The following COG1 variants were observed in gnomAD, a reference collection of about 807,000 sequenced individuals.
COG1 encodes component of oligomeric golgi complex 1, also known as conserved oligomeric Golgi complex subunit 1.
A neutral mutation model predicts 102.2 loss-of-function variants in COG1; 61 were observed. That is an observed-to-expected ratio of 0.60 (90% CI 0.49 to 0.74). The LOEUF (loss-of-function observed/expected upper bound fraction) is 0.74, where lower values mean the gene tolerates loss of function less well. Ranked by LOEUF, COG1 falls within the 30% of genes least tolerant of loss-of-function variation. COG1 has a pLI of 0.00. For synonymous variants in COG1, 454 were observed against 493.6 expected, an observed-to-expected ratio of 0.92 and a Z score of 1.06; for missense variants, 1,164 against 1,232.1, an observed-to-expected ratio of 0.94 and a Z score of 0.83.
In COG1 at chr17:73,203,729, T is replaced by A. The variant is rs774359543; in HGVS notation, c.2318T>A (p.Leu773Gln). The change falls in exon 9 of 14, where the codon CTG (leucine) becomes CAG (glutamine). Residue 773 changes from leucine to glutamine, a missense_variant. Transcript: ENST00000299886. Reference sequence around the variant, plus strand: ...CCAAAGGTGACATTACAGGAGATGCTGAAAAGCTGTATGGTTCAAGTAGTA... The same window carrying A: ...CCAAAGGTGACATTACAGGAGATGCAGAAAAGCTGTATGGTTCAAGTAGTA... ...ALPKVTLQEM[L>Q]KSCMVQVVAA... The A allele has an allele frequency of 2.2e-5, 36 of 1,614,098 alleles. No homozygotes were observed. Among genetic ancestry groups the A allele is most frequent in the Non-Finnish European group, 2.9e-5 (34 of 1,180,050 alleles).
chr17:73,207,015 C>A, intron 12 of COG1, 166 bp from the exon 13 acceptor site: 1 of 716,340 alleles, frequency 1.4e-6, no homozygotes, highest in South Asian at 1.7e-5. Context: ...ATGGCGTGAA[C>A]CCAGGAGGCG....
At chr17:73,193,477 AC>A (rs964600861) in intron 1 of COG1, 93 bp downstream of exon 1, 6 of 1,277,512 alleles carry the variant, frequency 4.7e-6, no homozygotes, top group African/African-American at 1.6e-5. Flanking sequence ...TCAGTCCCAG[AC>A]CCCGCGAGTC....
In COG1 at chr17:73,196,609, T is replaced by G; in HGVS notation, c.418T>G (p.Cys140Gly). The G allele has an allele frequency of 2.5e-6, 4 of 1,614,218 alleles. No individual in the cohort carries two copies. Among genetic ancestry groups the G allele is most frequent in the Non-Finnish European group, 3.4e-6 (4 of 1,180,032 alleles). ...CTGGAGCTCGATGGAAGCCTCTCAG[T>G]GTCTCCACGCCACACAGCTCTACCT... ...KIWSSMEASQ[C>G]LHATQLYLLC... The change falls in exon 2 of 14, where the codon TGT becomes GGT. Residue 140 changes from cysteine to glycine, a missense_variant. Physicochemically the swap from Cys to Gly is radical, Grantham distance 159. Coordinates refer to ENST00000299886, the MANE Select transcript of COG1 (RefSeq NM_018714.3).
At chr17:73,197,867 G>A (rs2061331738) in intron 4 of COG1, among the ~76,000 whole-genome samples, 1 of 152,226 alleles carries the variant, frequency 6.6e-6, no homozygotes, top group African/African-American at 2.4e-5. Context: ...GAGACTGGAG[G>A]TGGGGCCAGG....
rs893618009 is a variant in COG1, at chr17:73,200,710, G to A, written c.1215G>A (p.Arg405=). The A allele has an allele frequency of 5.0e-6, 8 of 1,614,044 alleles. No homozygotes were observed. In the East Asian group the frequency reaches 1.6e-4, roughly 31 times the overall value. Residue 405 remains arginine, a synonymous_variant, in exon 6 of 14, where the codon CGG becomes CGA. Transcript: ENST00000299886. The part of the protein sequence containing the change: ...TNHSWDVLCR[R]LLEKPLLFWE... ...ACAGCTGGGATGTGCTATGTCGGCG[G>A]CTTCTGGAGAAGCCGCTCTTGTTCT...
At chr17:73,198,647 TGAAGCGGGCAGGTGCCTGA>T (rs1487899109) in intron 4 of COG1, among the ~76,000 whole-genome samples, 2 of 151,212 alleles carry the variant, frequency 1.3e-5, no homozygotes, top group Admixed American at 1.3e-4. Flanking sequence ...AATGGGACTG[TGAAGCGGGCAGGTGCCTGA>T]GGGCCCAGAA....
chr17:73,204,554 C>CTTTT (rs575425786), intron 9 of COG1, among the ~76,000 whole-genome samples: 15 of 95,882 alleles, frequency 1.6e-4, no homozygotes, highest in African/African-American at 2.1e-4. Flanking sequence ...TCATTAGTAA[C>CTTTT]TTTTTTTTTT....
At chr17:73,196,783 G>A in intron 2 of COG1, 32 bp downstream of exon 2, 2 of 1,614,068 alleles carry the variant, frequency 1.2e-6, no homozygotes, top group East Asian at 2.2e-5. Flanking sequence ...AGCTGCTCTG[G>A]TGGTGGCCAG....
intron 1 of COG1, 54 bp downstream of exon 1, chr17:73,193,438 G>A: frequency 7.2e-7 from 1 of 1,380,262 alleles, no homozygotes; most frequent in Non-Finnish European, 9.3e-7. Context: ...GGAGCCCCTG[G>A]CCTTGCAGGT....
At chr17:73,195,771 G>A (rs1286742018) in intron 1 of COG1, among the ~76,000 whole-genome samples, 1 of 152,202 alleles carries the variant, frequency 6.6e-6, no homozygotes, top group Admixed American at 6.5e-5. Context: ...AAATTAGCCA[G>A]GCGTGGCGAC....
intron 9 of COG1, chr17:73,205,330 T>C: frequency 1.8e-6 from 1 of 545,524 alleles, no homozygotes; most frequent in East Asian, 3.3e-5. Context: ...TGAGGCCTTT[T>C]TTAAGGGCCA....
At position 73,196,677 on chromosome 17, in the gene COG1, T is replaced by G; in HGVS notation, c.486T>G (p.Ser162=). 1 of 1,614,196 alleles carries G rather than the reference T, an allele frequency of 6.2e-7. No individual in the cohort carries two copies. The highest frequency in any genetic ancestry group is 8.5e-7 in the Non-Finnish European group (1 of 1,180,040). ...HLHSLLQLDS[S]SSRYSPVLSR... is the part of the protein sequence containing the mutation. ...ACAGCCTGCTCCAGCTGGATTCTTCTAGTTCCCGATACAGTCCCGTCCTCT... is the reference window on the plus strand; with the variant it reads ...ACAGCCTGCTCCAGCTGGATTCTTCGAGTTCCCGATACAGTCCCGTCCTCT... The change falls in exon 2 of 14, where the codon TCT becomes TCG. Residue 162 remains serine, a synonymous_variant. Coordinates refer to ENST00000299886, the MANE Select transcript of COG1 (RefSeq NM_018714.3).
At chr17:73,206,429 TCA>T (rs1215173591) in intron 11 of COG1, among the ~76,000 whole-genome samples, 167 bp downstream of exon 11, 1 of 152,138 alleles carries the variant, frequency 6.6e-6, no homozygotes, top group Non-Finnish European at 1.5e-5. Context: ...AGATAAAATC[TCA>T]CACACTGAGG....
chr17:73,195,278 G>A (rs1227696713), intron 1 of COG1, among the ~76,000 whole-genome samples: 1 of 152,082 alleles, frequency 6.6e-6, no homozygotes, highest in Non-Finnish European at 1.5e-5. Context: ...TTACAACCTG[G>A]TCGAGGAAAT....
chr17:73,206,582 A>C, intron 11 of COG1, 126 bp from the exon 12 acceptor site: 1 of 748,182 alleles, frequency 1.3e-6, no homozygotes, highest in Non-Finnish European at 2.3e-6. Context: ...GCATAAATGC[A>C]CTCAGAACAT....
In COG1 at chr17:73,205,583, C is replaced by T. The variant is rs148247619; in HGVS notation, c.2413C>T (p.Arg805Trp). The change falls in exon 10 of 14, where the codon CGG becomes TGG. Residue 805 changes from arginine (R) to tryptophan (W), a missense_variant. Transcript: ENST00000299886. ...AGGTGCATTTCCAGTCACCCAGAACCGGGCGCTGCAGCTGCTTTATGATCT... is the reference window on the plus strand; with the variant it reads ...AGGTGCATTTCCAGTCACCCAGAACTGGGCGCTGCAGCTGCTTTATGATCT... Reference protein sequence around the residue: ...KEGAFPVTQNRALQLLYDLRY... With the variant: ...KEGAFPVTQNWALQLLYDLRY... 13 of 1,614,048 alleles carry T rather than the reference C, an allele frequency of 8.1e-6. No homozygotes were observed. The African/African-American group carries it at 1.1e-4, about 13-fold the overall frequency.
At position 73,193,093 on chromosome 17, in the gene COG1, C is replaced by T. The variant is rs898687512; in HGVS notation, c.24C>T (p.Pro8=). The T allele has an allele frequency of 7.4e-6, 12 of 1,611,778 alleles. No individual in the cohort carries two copies. The highest frequency in any genetic ancestry group is 1.7e-5 in the Admixed American group (1 of 59,902). MATAATS[P]ALKRLDLRDP... ...CCATGGCCACCGCGGCAACCTCACCCGCGCTGAAGCGGCTGGATCTGCGCG... is the reference window on the plus strand; with the variant it reads ...CCATGGCCACCGCGGCAACCTCACCTGCGCTGAAGCGGCTGGATCTGCGCG... The change falls in exon 1 of 14, where the codon CCC becomes CCT. Residue 8 remains proline, a synonymous_variant. Transcript: ENST00000299886.
Position 73,207,169 on chromosome 17 carries a change from C to T in COG1, c.2730-12C>T. The T allele has an allele frequency of 6.2e-7, 1 of 1,606,804 alleles. No individual in the cohort carries two copies. The highest frequency in any genetic ancestry group is 1.7e-4 in the Middle Eastern group (1 of 5,990). ...TGTTTGTGCTACTAAATTCTTTCCT[C>T]TTGTTTTGGAGGTTTGGACTTCTCC... On this transcript the variant is annotated splice_polypyrimidine_tract_variant and intron_variant, in intron 12 of 13. Transcript: ENST00000299886.
chr17:73,193,510 C>G, intron 1 of COG1, 126 bp downstream of exon 1: 1 of 885,874 alleles, frequency 1.1e-6, no homozygotes, highest in Non-Finnish European at 1.6e-6. Flanking sequence ...TAGCCAGGAG[C>G]CTATCCGCCC....
Sources: allele counts gnomAD v4.1 joint callset (sites outside exome capture counted in the v4.1 genomes callset), GRCh38; gene constraint gnomAD v4.1.1; transcripts MANE v1.5; gene names NCBI Gene and HGNC (gene_info 2026-07-23, HGNC 2026-07-21).